COL23A1: variants seen among roughly 807,000 people sequenced by gnomAD.
COL23A1 encodes the protein collagen type XXIII alpha 1 chain, also known as collagen alpha-1(XXIII) chain.
A neutral mutation model predicts 99.3 loss-of-function variants in COL23A1; 97 were observed. That is an observed-to-expected ratio of 0.98 (90% CI 0.83 to 1.16). The LOEUF (loss-of-function observed/expected upper bound fraction) is 1.16. Ranked by LOEUF, COL23A1 falls within the 50% of genes most tolerant of loss-of-function variation. The pLI, the probability that COL23A1 is intolerant of heterozygous loss-of-function variation, is 0.00. For synonymous variants in COL23A1, 320 were observed against 308.2 expected, an observed-to-expected ratio of 1.04 and a Z score of -0.40; for missense variants, 762 against 757.4, an observed-to-expected ratio of 1.01 and a Z score of -0.07.
chr5:178,506,165 G>A (rs546341453), intron 2 of COL23A1, among the ~76,000 whole-genome samples: 8 of 152,350 alleles, frequency 5.3e-5, no homozygotes, highest in Non-Finnish European at 8.8e-5. Context: ...CTGGGCCGGC[G>A]CCGAATGATC....
At chr5:178,303,719 T>C (rs190512693) in intron 3 of COL23A1, among the ~76,000 whole-genome samples, 3 of 152,336 alleles carry the variant, frequency 2.0e-5, no homozygotes, top group East Asian at 1.9e-4. Context: ...CAAGTGCCTC[T>C]TTCTCTCTCC....
chr5:178,333,886 A>G (rs549724317), intron 2 of COL23A1, among the ~76,000 whole-genome samples: 1 of 150,270 alleles, frequency 6.7e-6, no homozygotes, highest in South Asian at 2.1e-4. Context: ...TGAGGTCCCC[A>G]GACCTGGACA....
At chr5:178,349,490 A>G (rs1413582724) in intron 2 of COL23A1, among the ~76,000 whole-genome samples, 3 of 142,418 alleles carry the variant, frequency 2.1e-5, no homozygotes, top group Admixed American at 7.0e-5. Context: ...GCCCTCCGCT[A>G]GGCGGGCCCA....
chr5:178,556,526 G>A (rs996344444), intron 2 of COL23A1, among the ~76,000 whole-genome samples: 10 of 151,836 alleles, frequency 6.6e-5, no homozygotes, highest in African/African-American at 2.4e-4. Context: ...GGGAGGCTGA[G>A]GCAGGAGAAT....
At chr5:178,514,578 C>T (rs1242983004) in intron 2 of COL23A1, among the ~76,000 whole-genome samples, 1 of 152,246 alleles carries the variant, frequency 6.6e-6, no homozygotes, top group Non-Finnish European at 1.5e-5. Flanking sequence ...ACTTGGTCCA[C>T]ATCCTGAAGC....
At chr5:178,404,302 G>A (rs955700311) in intron 2 of COL23A1, among the ~76,000 whole-genome samples, 1 of 152,118 alleles carries the variant, frequency 6.6e-6, no homozygotes, top group African/African-American at 2.4e-5. Flanking sequence ...AACAATGAAG[G>A]ACCACAGTCC....
intron 2 of COL23A1, among the ~76,000 whole-genome samples, chr5:178,549,817 AAAAAC>A (rs1184130824): frequency 1.3e-5 from 2 of 152,132 alleles, no homozygotes; most frequent in African/African-American, 2.4e-5. Context: ...TCCTGTCTCA[AAAAAC>A]AAAACAAAAA....
chr5:178,385,518 G>A (rs918412054), intron 2 of COL23A1, among the ~76,000 whole-genome samples: 6 of 152,184 alleles, frequency 3.9e-5, no homozygotes, highest in East Asian at 3.9e-4. Context: ...GAGCCTGGCC[G>A]GTCTCCTCCA....
At chr5:178,343,726 G>A (rs1760804130) in intron 2 of COL23A1, among the ~76,000 whole-genome samples, 1 of 151,098 alleles carries the variant, frequency 6.6e-6, no homozygotes, top group African/African-American at 2.4e-5. Flanking sequence ...GCAGTGGCGT[G>A]ATCTTGGCTC....
chr5:178,423,423 T>C (rs1765741787), intron 2 of COL23A1, among the ~76,000 whole-genome samples: 1 of 152,152 alleles, frequency 6.6e-6, no homozygotes, highest in South Asian at 2.1e-4. Context: ...TGGTGTACGG[T>C]AATCAACACA....
At chr5:178,342,506 G>A (rs2127664231) in intron 2 of COL23A1, among the ~76,000 whole-genome samples, 1 of 152,334 alleles carries the variant, frequency 6.6e-6, no homozygotes, top group East Asian at 1.9e-4. Flanking sequence ...CGGAGACACA[G>A]GCTGCTGCTC....
intron 2 of COL23A1, among the ~76,000 whole-genome samples, chr5:178,547,358 T>C (rs116322488): frequency 5.0e-4 from 76 of 151,956 alleles, no homozygotes; most frequent in African/African-American, 1.7e-3. Flanking sequence ...AGAACATGGG[T>C]AAGAATATTG....
chr5:178,338,235 G>A (rs774885273), intron 2 of COL23A1, among the ~76,000 whole-genome samples: 1 of 152,238 alleles, frequency 6.6e-6, no homozygotes. Context: ...CAGTCAGACA[G>A]ACCCACCTCA....
At chr5:178,408,979 C>T (rs1343489003) in intron 2 of COL23A1, among the ~76,000 whole-genome samples, 103 of 64,852 alleles carry the variant, frequency 1.6e-3, no homozygotes, top group African/African-American at 5.6e-3. Context: ...AAAAAATACA[C>T]ACACACACAC....
intron 2 of COL23A1, among the ~76,000 whole-genome samples, chr5:178,357,297 C>T (rs1178225906): frequency 1.3e-5 from 2 of 152,184 alleles, no homozygotes; most frequent in Non-Finnish European, 2.9e-5. Context: ...TCTGGTCTGT[C>T]CACGCCCTCA....
At chr5:178,545,917 C>T (rs1187420481) in intron 2 of COL23A1, among the ~76,000 whole-genome samples, 2 of 152,170 alleles carry the variant, frequency 1.3e-5, no homozygotes, top group African/African-American at 2.4e-5. Flanking sequence ...TAGGGTACAT[C>T]GTATTACCCC....
At chr5:178,540,820 A>G (rs1290125319) in intron 2 of COL23A1, among the ~76,000 whole-genome samples, 1 of 152,130 alleles carries the variant, frequency 6.6e-6, no homozygotes, top group Non-Finnish European at 1.5e-5. Context: ...CCAGCTACTC[A>G]GGGGGCTGAG....
chr5:178,411,438 T>C (rs1310016076), intron 2 of COL23A1, among the ~76,000 whole-genome samples: 4 of 151,846 alleles, frequency 2.6e-5, no homozygotes, highest in African/African-American at 9.7e-5. Context: ...GATACACACA[T>C]GGAATGAAAT....
At chr5:178,485,581 T>C (rs1757580204) in intron 2 of COL23A1, among the ~76,000 whole-genome samples, 1 of 152,058 alleles carries the variant, frequency 6.6e-6, no homozygotes, top group Non-Finnish European at 1.5e-5. Context: ...GAGACCAGCC[T>C]GGCCAACATG....
Sources: gnomAD v4.1 joint callset for allele counts (sites outside exome capture counted in the v4.1 genomes callset) on GRCh38, gnomAD v4.1.1 for gene constraint, MANE v1.5 for transcripts, NCBI Gene and HGNC (gene_info 2026-07-23, HGNC 2026-07-21) for gene names.